Variants in MEOX2 observed in about 807,000 individuals in gnomAD.
MEOX2 encodes the protein mesenchyme homeobox 2.
In MEOX2, 11 loss-of-function variants were observed where a neutral mutation model predicts 27.0. That is an observed-to-expected ratio of 0.41 (90% CI 0.26 to 0.68). The LOEUF is 0.68. Ranked by LOEUF, MEOX2 falls within the 30% of genes least tolerant of loss-of-function variation. The pLI is 0.33. For synonymous variants in MEOX2, 189 were observed against 155.4 expected, an observed-to-expected ratio of 1.22 and a Z score of -1.61; for missense variants, 436 against 385.4, an observed-to-expected ratio of 1.13 and a Z score of -1.10.
At chr7:15,655,177 A>G (rs1230517674) in intron 1 of MEOX2, among the ~76,000 whole-genome samples, 2 of 151,644 alleles carry the variant, frequency 1.3e-5, no homozygotes, top group Non-Finnish European at 3.0e-5. Context: ...GGAATTAATC[A>G]TGGTATTTTC....
chr7:15,678,533 T>A (rs192235557), intron 1 of MEOX2, among the ~76,000 whole-genome samples: 377 of 152,332 alleles, frequency 2.5e-3, no homozygotes, highest in Middle Eastern at 0.01. Context: ...CATGCCCATT[T>A]AATCTTTTCA....
At chr7:15,662,043 A>G (rs1236873201) in intron 1 of MEOX2, among the ~76,000 whole-genome samples, 1 of 151,742 alleles carries the variant, frequency 6.6e-6, no homozygotes, top group Non-Finnish European at 1.5e-5. Flanking sequence ...TACACCCTGG[A>G]ATTAAAATGA....
At chr7:15,683,650 T>C (rs1317151854) in intron 1 of MEOX2, among the ~76,000 whole-genome samples, 1 of 152,166 alleles carries the variant, frequency 6.6e-6, no homozygotes, top group Non-Finnish European at 1.5e-5. Flanking sequence ...TATCTCAATA[T>C]CTGACAAATA....
chr7:15,663,506 TA>T (rs1781948879), intron 1 of MEOX2, among the ~76,000 whole-genome samples: 1 of 63,052 alleles, frequency 1.6e-5, no homozygotes, highest in Non-Finnish European at 3.6e-5. Context: ...CTAATTTTTG[TA>T]TTTTTTTTTT....
At chr7:15,658,676 A>C (rs1185140125) in intron 1 of MEOX2, among the ~76,000 whole-genome samples, 1 of 152,170 alleles carries the variant, frequency 6.6e-6, no homozygotes, top group Non-Finnish European at 1.5e-5. Flanking sequence ...GTAATAGGTC[A>C]CAAGACTGGA....
At chr7:15,651,097 T>C (rs1781726252) in intron 1 of MEOX2, among the ~76,000 whole-genome samples, 2 of 151,996 alleles carry the variant, frequency 1.3e-5, no homozygotes. Context: ...AAGTCCTCGA[T>C]TTTCATACTG....
In MEOX2 at chr7:15,612,489, C is replaced by T; in HGVS notation, c.813G>A (p.Glu271=). Residue 271 remains glutamate (E), a synonymous_variant, in exon 3 of 3, where the codon GAG becomes GAA. Coordinates refer to ENST00000262041, the MANE Select transcript of MEOX2 (RefSeq NM_005924.5). ...GGGTGGCTGCACCAATTCCCGACAG[C>T]TCTGATGGGAGAAGTGTTCCCTTTT... The part of the protein sequence containing the change: ...NVKKGTLLPS[E]LSGIGAATLQ... 1 of 1,614,146 alleles carries T rather than the reference C, an allele frequency of 6.2e-7. No individual in the cohort carries two copies. The highest frequency in any genetic ancestry group is 8.5e-7 in the Non-Finnish European group (1 of 1,180,008).
At chr7:15,680,166 C>G (rs1161380181) in intron 1 of MEOX2, 1 of 151,810 alleles carries the variant, frequency 6.6e-6, no homozygotes, top group Non-Finnish European at 1.5e-5. Flanking sequence ...ATGTAACTTT[C>G]TGTTAATTTG....
At chr7:15,628,167 A>G (rs539808436) in intron 1 of MEOX2, among the ~76,000 whole-genome samples, 1 of 152,106 alleles carries the variant, frequency 6.6e-6, no homozygotes, top group Admixed American at 6.6e-5. Context: ...TTTTCATGCA[A>G]TGATGCTTAA....
At chr7:15,626,291 A>G (rs913933051) in intron 2 of MEOX2, among the ~76,000 whole-genome samples, 3 of 152,148 alleles carry the variant, frequency 2.0e-5, no homozygotes, top group African/African-American at 7.2e-5. Flanking sequence ...AGAGTGAGTA[A>G]GTAATGAACA....
At position 15,612,157 on chromosome 7, in the gene MEOX2, T is replaced by C; in HGVS notation, c.*230A>G. ...ACTGCCATACGCACGACCAAACACA[T>C]CTGGAATATTCAAAGCAAGTTCACC... is the stretch of plus-strand genomic sequence containing the variant. On this transcript the variant is annotated 3_prime_UTR_variant, in exon 3 of 3. Coordinates refer to ENST00000262041, the MANE Select transcript of MEOX2 (RefSeq NM_005924.5). 1.8e-6 allele frequency: 1 copy of C among 571,388 alleles called. No homozygotes were observed. The highest frequency in any genetic ancestry group is 3.1e-6 in the Non-Finnish European group (1 of 320,038). The allele number at this position is 571,388 out of a possible 1,614,324, so 35.4% of individuals were successfully genotyped here.
At chr7:15,661,538 T>C (rs944568658) in intron 1 of MEOX2, among the ~76,000 whole-genome samples, 1 of 152,186 alleles carries the variant, frequency 6.6e-6, no homozygotes, top group Admixed American at 6.5e-5. Context: ...GGACTCAATA[T>C]GCACTTTATA....
At chr7:15,660,545 G>C (rs2115383284) in intron 1 of MEOX2, among the ~76,000 whole-genome samples, 1 of 152,192 alleles carries the variant, frequency 6.6e-6, no homozygotes, top group East Asian at 1.9e-4. Flanking sequence ...CTAATCACTA[G>C]ATGCCAGTAG....
At chr7:15,612,654 A>T (rs201380826) in intron 2 of MEOX2, 43 bp from the exon 3 acceptor site, 1 of 1,559,700 alleles carries the variant, frequency 6.4e-7, no homozygotes. Context: ...AAAAAGAGAT[A>T]ATTAAAGTGA....
At chr7:15,635,467 A>G (rs1045477194) in intron 1 of MEOX2, among the ~76,000 whole-genome samples, 2 of 151,914 alleles carry the variant, frequency 1.3e-5, no homozygotes, top group African/African-American at 4.8e-5. Flanking sequence ...TTCAACCCCT[A>G]TTGTCTCCCC....
In MEOX2 at chr7:15,628,468, G is replaced by A. The variant is rs182591569; in HGVS notation, c.518-1550C>T. Among the ~76,000 whole-genome samples the A allele has an allele frequency of 2.1e-3, 322 of 152,148 alleles. 2 individuals are homozygous for A. In the East Asian group the frequency reaches 0.026, roughly 12 times the overall value. On this transcript the variant is annotated intron_variant, in intron 1 of 2. Coordinates refer to ENST00000262041, the MANE Select transcript of MEOX2 (RefSeq NM_005924.5). ...GACTGTTTCACTCACTGGTGCACTG[G>A]CACTATCTAAAACTCTTCATTCACT...
At position 15,638,459 on chromosome 7, in the gene MEOX2, C is replaced by T. The variant is rs558140686; in HGVS notation, c.518-11541G>A. Reference sequence around the variant, plus strand: ...GGTCTCATATGCATTTAGTCTAATTCATGCAAATTTTGTGCATATGTAAAA... The same window carrying T: ...GGTCTCATATGCATTTAGTCTAATTTATGCAAATTTTGTGCATATGTAAAA... On this transcript the variant is annotated intron_variant, in intron 1 of 2. Coordinates refer to ENST00000262041, the MANE Select transcript of MEOX2 (RefSeq NM_005924.5). Among the ~76,000 whole-genome samples the T allele has an allele frequency of 3.3e-5, 5 of 152,188 alleles. No homozygotes were observed. The East Asian group carries it at 9.7e-4, about 29-fold the overall frequency.
chr7:15,621,579 T>A (rs1303867442), intron 2 of MEOX2, among the ~76,000 whole-genome samples: 6 of 152,224 alleles, frequency 3.9e-5, no homozygotes, highest in Admixed American at 3.3e-4. Context: ...ATACCTTATG[T>A]TTTTCTAAAA....
chr7:15,648,774 A>G (rs1204739762), intron 1 of MEOX2, among the ~76,000 whole-genome samples: 4 of 152,054 alleles, frequency 2.6e-5, no homozygotes, highest in Non-Finnish European at 4.4e-5. Flanking sequence ...TCAGAATCTG[A>G]ATCAAGGGTT....
Sources: gnomAD v4.1 joint callset for allele counts (sites outside exome capture counted in the v4.1 genomes callset) on GRCh38, gnomAD v4.1.1 for gene constraint, MANE v1.5 for transcripts, NCBI Gene and HGNC (gene_info 2026-07-23, HGNC 2026-07-21) for gene names.